PDE3A: variants seen among roughly 807,000 people sequenced by gnomAD.
PDE3A encodes the protein cGMP-inhibited 3',5'-cyclic phosphodiesterase 3A.
Under a neutral mutation model 98.3 loss-of-function variants are expected in PDE3A, and 43 were observed. The ratio of observed to expected loss-of-function variants is 0.44; its 90% CI spans 0.34 to 0.56. The LOEUF (loss-of-function observed/expected upper bound fraction) is 0.56, where lower values mean the gene tolerates loss of function less well. Ranked by LOEUF, PDE3A falls within the 20% of genes least tolerant of loss-of-function variation. The pLI, the probability that PDE3A is intolerant of heterozygous loss-of-function variation, is 0.01. For synonymous variants in PDE3A, 663 were observed against 567.9 expected, an observed-to-expected ratio of 1.17 and a Z score of -2.38; for missense variants, 1,427 against 1,440.7, an observed-to-expected ratio of 0.99 and a Z score of 0.15.
intron 1 of PDE3A, among the ~76,000 whole-genome samples, chr12:20,554,289 G>A (rs1942304025): frequency 1.3e-5 from 2 of 149,904 alleles, no homozygotes; most frequent in African/African-American, 2.4e-5. Context: ...AGACAATTTT[G>A]TGTAGGCTTT....
chr12:20,571,790 A>T (rs1942806743), intron 2 of PDE3A: 2 of 324,216 alleles, frequency 6.2e-6, no homozygotes, highest in Non-Finnish European at 8.9e-6. Flanking sequence ...TCCATAATGC[A>T]TTTATCATAG....
rs1209584024 is a variant in PDE3A at position 20,410,692 on chromosome 12, C to A, written c.960+40448C>A. Reference sequence around the variant, plus strand: ...TCATTTTTACTTGTCAATTATGTCTCCATAATTTTTAAAAGACGCTGTTCA... The same window carrying A: ...TCATTTTTACTTGTCAATTATGTCTACATAATTTTTAAAAGACGCTGTTCA... On this transcript the variant is annotated intron_variant, in intron 1 of 15. Coordinates refer to ENST00000359062, the MANE Select transcript of PDE3A (RefSeq NM_000921.5). Among the ~76,000 whole-genome samples the A allele has an allele frequency of 2.0e-5, 3 of 152,192 alleles. No individual in the cohort carries two copies. The East Asian group carries it at 5.8e-4, about 29-fold the overall frequency.
chr12:20,669,406 C>A (rs1412067370), intron 15 of PDE3A, among the ~76,000 whole-genome samples: 1 of 151,426 alleles, frequency 6.6e-6, no homozygotes, highest in Admixed American at 6.6e-5. Context: ...GTCAGATTCA[C>A]CAAAGTTGAA....
intron 1 of PDE3A, among the ~76,000 whole-genome samples, chr12:20,542,192 T>A (rs1941931541): frequency 6.6e-6 from 1 of 152,094 alleles, no homozygotes; most frequent in African/African-American, 2.4e-5. Flanking sequence ...AATAAGACTT[T>A]AAAAATTTTG....
chr12:20,647,118 TC>T (rs1249955525), intron 12 of PDE3A, among the ~76,000 whole-genome samples, 168 bp downstream of exon 12: 1 of 152,160 alleles, frequency 6.6e-6, no homozygotes, highest in Non-Finnish European at 1.5e-5. Context: ...CATGGATTCT[TC>T]CAAGATTCTA....
At chr12:20,569,373 T>C (rs1234716198) in intron 2 of PDE3A, among the ~76,000 whole-genome samples, 1 of 152,114 alleles carries the variant, frequency 6.6e-6, no homozygotes, top group Non-Finnish European at 1.5e-5. Flanking sequence ...AGATGTTCTA[T>C]ATATTTTTAT....
chr12:20,548,362 A>T (rs1282081344), intron 1 of PDE3A, among the ~76,000 whole-genome samples: 1 of 152,124 alleles, frequency 6.6e-6, no homozygotes. Context: ...TTCTGGTAAG[A>T]TGCTTATTAA....
Position 20,683,901 on chromosome 12 carries a change from T to C in PDE3A, c.*3630T>C, listed in dbSNP as rs1293517294. 1 of 152,200 alleles carries C rather than the reference T, an allele frequency of 6.6e-6. No homozygotes were observed. The highest frequency in any genetic ancestry group is 2.4e-5 in the African/African-American group (1 of 41,454). 9.4% of individuals were successfully genotyped at this position (152,200 alleles called of 1,614,324 possible). A position where few individuals can be genotyped will look rare whatever the true frequency, so the allele number is the denominator to read the frequency against. On this transcript the variant is annotated 3_prime_UTR_variant, in exon 16 of 16. Coordinates refer to ENST00000359062, the MANE Select transcript of PDE3A (RefSeq NM_000921.5). Reference sequence around the variant, plus strand: ...TCTTACAGACTGTTCATATTAGATGTATGTAGACTGTTAATTTGCAATTTC... The same window carrying C: ...TCTTACAGACTGTTCATATTAGATGCATGTAGACTGTTAATTTGCAATTTC...
chr12:20,422,946 A>G (rs570492138), intron 1 of PDE3A, among the ~76,000 whole-genome samples: 2 of 152,266 alleles, frequency 1.3e-5, no homozygotes, highest in East Asian at 1.9e-4. Flanking sequence ...TTGTTATATT[A>G]TGTTACAGTA....
chr12:20,634,367 A>G (rs996814980), intron 7 of PDE3A, among the ~76,000 whole-genome samples: 1 of 152,136 alleles, frequency 6.6e-6, no homozygotes, highest in African/African-American at 2.4e-5. Flanking sequence ...TAGTTAGCAC[A>G]GTTTACTGCT....
Position 20,682,978 on chromosome 12 carries a change from T to G in PDE3A, c.*2707T>G, listed in dbSNP as rs1592186577. The G allele has an allele frequency of 6.6e-6, 1 of 152,232 alleles. No individual in the cohort carries two copies. Among genetic ancestry groups the G allele is most frequent in the South Asian group, 2.1e-4 (1 of 4,816 alleles). 9.4% of individuals were successfully genotyped at this position (152,232 alleles called of 1,614,324 possible). On this transcript the variant is annotated 3_prime_UTR_variant, in exon 16 of 16. Coordinates refer to ENST00000359062, the MANE Select transcript of PDE3A (RefSeq NM_000921.5). ...GTGGAAGTCTCAGCAAACTGCCTGG[T>G]TTTGTTTGTTTGTTTTGTTTTAAGG...
At chr12:20,502,591 C>G (rs1946043205) in intron 1 of PDE3A, among the ~76,000 whole-genome samples, 1 of 152,020 alleles carries the variant, frequency 6.6e-6, no homozygotes, top group Non-Finnish European at 1.5e-5. Flanking sequence ...GCAGGTCTAG[C>G]AAATAGAATG....
In PDE3A at chr12:20,552,359, G is replaced by T. The variant is rs1200427640; in HGVS notation, c.961-4301G>T. The T allele has an allele frequency of 1.9e-6, 3 of 1,613,730 alleles. No individual in the cohort carries two copies. In the African/African-American group the frequency reaches 4.0e-5, roughly 22 times the overall value. ...GGGAAGTCCGGGTTTCTCGTGTGGCGCTACCTTCTGCGGAGGGACGATGAT... is the reference window on the plus strand; with the variant it reads ...GGGAAGTCCGGGTTTCTCGTGTGGCTCTACCTTCTGCGGAGGGACGATGAT... On this transcript the variant is annotated intron_variant, in intron 1 of 15. Coordinates refer to ENST00000359062, the MANE Select transcript of PDE3A (RefSeq NM_000921.5). The surrounding 1 kb of genome is among the most constrained non-coding windows in gnomAD (Gnocchi z 5.1).
At position 20,681,118 on chromosome 12, in the gene PDE3A, A is replaced by G. The variant is rs780249866; in HGVS notation, c.*847A>G. On this transcript the variant is annotated 3_prime_UTR_variant, in exon 16 of 16. Transcript: ENST00000359062. The stretch of plus-strand genomic sequence containing the variant: ...CACTCAAGGGCTGGGTGAGAGGGCC[A>G]CGTGTTTGGTATTACATTACTGCTA... The G allele has an allele frequency of 1.3e-5, 2 of 152,098 alleles. No homozygotes were observed. The highest frequency in any genetic ancestry group is 2.4e-5 in the African/African-American group (1 of 41,410). 9.4% of individuals were successfully genotyped at this position (152,098 alleles called of 1,614,324 possible).
chr12:20,477,691 C>T (rs1945553971), intron 1 of PDE3A, among the ~76,000 whole-genome samples: 1 of 152,130 alleles, frequency 6.6e-6, no homozygotes, highest in South Asian at 2.1e-4. Context: ...TAAAGGAATA[C>T]TATCATGTAT....
At chr12:20,661,393 G>A (rs1173653122) in intron 15 of PDE3A, among the ~76,000 whole-genome samples, 1 of 152,206 alleles carries the variant, frequency 6.6e-6, no homozygotes, top group East Asian at 1.9e-4. Context: ...GCGAGCTGCA[G>A]AAATTTGCAT....
intron 1 of PDE3A, among the ~76,000 whole-genome samples, chr12:20,462,628 T>A (rs1399365090): frequency 6.6e-6 from 1 of 152,196 alleles, no homozygotes; most frequent in Non-Finnish European, 1.5e-5. Context: ...CTATTTTAAA[T>A]TTTAGTTTGA....
At chr12:20,386,542 T>C (rs1219247623) in intron 1 of PDE3A, among the ~76,000 whole-genome samples, 1 of 151,670 alleles carries the variant, frequency 6.6e-6, no homozygotes, top group East Asian at 2.0e-4. Flanking sequence ...GGTTTCACCA[T>C]GTTGGCCAGA....
chr12:20,590,535 G>A (rs899505987), intron 2 of PDE3A, among the ~76,000 whole-genome samples: 2 of 151,234 alleles, frequency 1.3e-5, no homozygotes, highest in African/African-American at 2.4e-5. Flanking sequence ...AGCACTTTGA[G>A]AGGCTAAGTT....
Sources: allele counts gnomAD v4.1 joint callset (sites outside exome capture counted in the v4.1 genomes callset), GRCh38; gene constraint gnomAD v4.1.1; non-coding constraint Gnocchi (gnomAD v3.1); transcripts MANE v1.5; gene names NCBI Gene and HGNC (gene_info 2026-07-23, HGNC 2026-07-21).